The following MYO18B variants were observed in gnomAD, a reference collection of about 807,000 sequenced individuals.
MYO18B encodes the protein myosin XVIIIB, also known as unconventional myosin-XVIIIb.
MYO18B carries 204 observed loss-of-function variants against 273.0 expected under a neutral mutation model. The observed-to-expected ratio is 0.75, with a 90% CI of 0.67 to 0.84. The LOEUF (loss-of-function observed/expected upper bound fraction) is 0.84. Among genes scored for constraint, MYO18B ranks in the 40% least tolerant of loss-of-function variants. The pLI is 0.00. For synonymous variants in MYO18B, 1,330 were observed against 1,305.7 expected (o/e 1.02, Z -0.40); for missense variants, 3,212 against 3,287.6 (o/e 0.98, Z 0.56).
At chr22:25,871,563 T>C (rs1476470319) in intron 22 of MYO18B, among the ~76,000 whole-genome samples, 1 of 152,132 alleles carries the variant, frequency 6.6e-6, no homozygotes, top group African/African-American at 2.4e-5. Flanking sequence ...CGTGGTTTTG[T>C]CCCCCGTGGA....
chr22:25,761,951 G>A (rs1245266399), intron 2 of MYO18B, among the ~76,000 whole-genome samples: 3 of 152,048 alleles, frequency 2.0e-5, no homozygotes, highest in Admixed American at 1.3e-4. Context: ...GTGAAACCAC[G>A]TCTCTACTAA....
chr22:25,976,899 G>A (rs927127318), intron 39 of MYO18B, among the ~76,000 whole-genome samples: 5 of 152,174 alleles, frequency 3.3e-5, no homozygotes, highest in South Asian at 2.1e-4. Context: ...ACGAGGTGAC[G>A]GGATATGCCT....
chr22:25,948,501 C>T lies in MYO18B; in HGVS notation c.5748+673C>T, dbSNP rs1442420182. ...TTCTTTCTTTCTCTTTCTTTCTTTC[C>T]TCTCTTTTCTCTTTCCTTCTTTCTT... On this transcript the variant is annotated intron_variant, in intron 36 of 43. Transcript: ENST00000335473. Among the ~76,000 whole-genome samples the T allele has an allele frequency of 1.7e-3, 54 of 31,486 alleles. 1 individual carries two copies. Among genetic ancestry groups the T allele is most frequent in the African/African-American group, 4.3e-3 (53 of 12,262 alleles). The allele number at this position is 31,486 out of a possible 152,430, so 20.7% of individuals were successfully genotyped here.
chr22:25,787,814 A>T (rs1375094541), intron 11 of MYO18B, among the ~76,000 whole-genome samples: 2 of 152,262 alleles, frequency 1.3e-5, no homozygotes, highest in African/African-American at 4.8e-5. Flanking sequence ...ATCTGGGGTC[A>T]TGAGGAGCCC....
chr22:25,761,201 G>T, intron 2 of MYO18B, 70 bp downstream of exon 2: 1 of 1,556,316 alleles, frequency 6.4e-7, no homozygotes. Flanking sequence ...AGACAAGTCC[G>T]ACCTTTCCCA....
chr22:25,909,996 G>A (rs923168203), intron 32 of MYO18B, among the ~76,000 whole-genome samples: 4 of 152,172 alleles, frequency 2.6e-5, no homozygotes, highest in Admixed American at 2.6e-4. Context: ...ATGGAGGATG[G>A]ATAATATATA....
chr22:25,897,082 A>C (rs1420382748), intron 28 of MYO18B: 1 of 152,068 alleles, frequency 6.6e-6, no homozygotes, highest in Non-Finnish European at 1.5e-5. Flanking sequence ...TATTCTTAAG[A>C]TCTTAGCTTA....
intron 3 of MYO18B, among the ~76,000 whole-genome samples, chr22:25,763,878 G>A (rs2086414033): frequency 1.3e-5 from 2 of 152,194 alleles, no homozygotes; most frequent in South Asian, 4.1e-4. Flanking sequence ...CTAGATACTG[G>A]CTAAGATGTA....
intron 41 of MYO18B, among the ~76,000 whole-genome samples, chr22:26,004,300 G>A (rs1159542882): frequency 2.0e-5 from 3 of 152,124 alleles, no homozygotes; most frequent in Non-Finnish European, 2.9e-5. Flanking sequence ...GATAAGGTAA[G>A]GAAGGAGTTA....
chr22:26,041,371 A>T, the MYO18B span, among the ~76,000 whole-genome samples: 1 of 150,462 alleles, frequency 6.6e-6, no homozygotes. Context: ...AAAAAAAAAA[A>T]ACAAAACTAG....
intron 33 of MYO18B, among the ~76,000 whole-genome samples, chr22:25,914,686 C>CTTTTTGTTTTTTTTTTTTT (rs2092227739): frequency 2.0e-5 from 1 of 50,824 alleles, no homozygotes; most frequent in Non-Finnish European, 3.4e-5. Context: ...AGTTTTGACT[C>CTTTTTGTTTTTTTTTTTTT]TTTTTTTTTT....
chr22:26,037,082 G>A, the MYO18B span, among the ~76,000 whole-genome samples: 1 of 105,702 alleles, frequency 9.5e-6, no homozygotes, highest in Non-Finnish European at 2.1e-5. Context: ...AGGTCAGCTG[G>A]CTGAACGGGC....
At chr22:25,910,711 G>A (rs563864776) in intron 32 of MYO18B, among the ~76,000 whole-genome samples, 1 of 152,284 alleles carries the variant, frequency 6.6e-6, no homozygotes, top group East Asian at 1.9e-4. Context: ...GGGTTTCACA[G>A]TCAAGGGCAA....
intron 15 of MYO18B, 146 bp from the exon 16 acceptor site, chr22:25,832,771 T>C (rs1485385062): frequency 8.1e-6 from 5 of 615,764 alleles, no homozygotes; most frequent in Non-Finnish European, 1.1e-5. Flanking sequence ...TTTTCTGCTA[T>C]GTATCTTTTG....
At position 25,985,239 on chromosome 22, in the gene MYO18B, T is replaced by C. The variant is rs201010774; in HGVS notation, c.6157-7124T>C. Among the ~76,000 whole-genome samples the C allele has an allele frequency of 4.6e-5, 7 of 152,220 alleles. No individual in the cohort carries two copies. In the East Asian group the frequency reaches 1.4e-3, roughly 29 times the overall value. On this transcript the variant is annotated intron_variant, in intron 39 of 43. Coordinates refer to ENST00000335473, the MANE Select transcript of MYO18B (RefSeq NM_032608.7). ...AGCCAGGCATAATGGCAGGTGCCTG[T>C]AATCCCAGCTGTTTGGGGGGCTGAG... is the stretch of plus-strand genomic sequence containing the variant.
At chr22:25,746,096 T>C (rs28607580) in intron 1 of MYO18B, among the ~76,000 whole-genome samples, 1 of 152,334 alleles carries the variant, frequency 6.6e-6, no homozygotes, top group Non-Finnish European at 1.5e-5. Flanking sequence ...ACAACATCCG[T>C]TGAGATAATA....
rs536619412 is a variant in MYO18B at position 25,771,701 on chromosome 22, A to G, written c.1693-633A>G. Among the ~76,000 whole-genome samples the G allele has an allele frequency of 5.4e-4, 82 of 152,328 alleles. 1 individual carries two copies. The South Asian group carries it at 0.017, about 31-fold the overall frequency. On this transcript the variant is annotated intron_variant, in intron 6 of 43. Transcript: ENST00000335473. ...GTGGCCTTGCAAGAAAGGCTGATCC[A>G]TGAGAGGGCTCAAGCTTGGCCCAAA...
intron 36 of MYO18B, among the ~76,000 whole-genome samples, chr22:25,949,384 C>T (rs940022325): frequency 6.6e-6 from 1 of 152,100 alleles, no homozygotes; most frequent in South Asian, 2.1e-4. Context: ...GGGAGATGAT[C>T]GGGAGCCATG....
At position 25,948,462 on chromosome 22, in the gene MYO18B, CTTT is replaced by C. The variant is rs1601657475; in HGVS notation, c.5748+635_5748+637del. ...TCCTTCCTTCCTTCCTTCCTTCCTT[CTTT>C]CTTTCTTTCTTTCTTTCTTTCTCTT... On this transcript the variant is annotated intron_variant, in intron 36 of 43. Coordinates refer to ENST00000335473, the MANE Select transcript of MYO18B (RefSeq NM_032608.7). Among the ~76,000 whole-genome samples, 9 of 122,290 alleles carry C rather than the reference CTTT, an allele frequency of 7.4e-5. No homozygotes were observed. The East Asian group carries it at 1.6e-3, about 22-fold the overall frequency. The allele number at this position is 122,290 out of a possible 152,430, so 80.2% of individuals were successfully genotyped here.
Sources: allele counts gnomAD v4.1 joint callset (sites outside exome capture counted in the v4.1 genomes callset), GRCh38; gene constraint gnomAD v4.1.1; transcripts MANE v1.5; gene names NCBI Gene and HGNC (gene_info 2026-07-23, HGNC 2026-07-21).